Variants in LHFPL6 observed in about 807,000 individuals in gnomAD.
LHFPL6 encodes the protein LHFPL tetraspan subfamily member 6 protein.
A neutral mutation model predicts 20.6 loss-of-function variants in LHFPL6; 9 were observed. That is an observed-to-expected ratio of 0.44 (90% CI 0.26 to 0.76). The LOEUF is 0.76. Ranked by LOEUF, LHFPL6 falls within the 30% of genes least tolerant of loss-of-function variation. The probability of loss-of-function intolerance (pLI) is 0.20; values close to 1 mark genes in which losing one functional copy is unlikely to be tolerated. For synonymous variants in LHFPL6, 105 were observed against 98.7 expected, an observed-to-expected ratio of 1.06 and a Z score of -0.38; for missense variants, 218 against 253.5, an observed-to-expected ratio of 0.86 and a Z score of 0.95.
intron 2 of LHFPL6, among the ~76,000 whole-genome samples, chr13:39,465,913 C>T (rs1872793066): frequency 6.6e-6 from 1 of 151,946 alleles, no homozygotes; most frequent in Non-Finnish European, 1.5e-5. Context: ...TTCCTTGCAC[C>T]ACTCAGAAGA....
intron 2 of LHFPL6, among the ~76,000 whole-genome samples, chr13:39,563,990 C>T (rs765571519): frequency 4.6e-5 from 7 of 152,050 alleles, no homozygotes; most frequent in Non-Finnish European, 8.8e-5. Context: ...TGGTGTAAGT[C>T]TCCCCGTATC....
At chr13:39,407,002 T>G (rs1361872298) in intron 2 of LHFPL6, among the ~76,000 whole-genome samples, 1 of 152,210 alleles carries the variant, frequency 6.6e-6, no homozygotes, top group Non-Finnish European at 1.5e-5. Context: ...TAAACCAACA[T>G]GGGTCTACAG....
chr13:39,382,646 C>T (rs1305867148), intron 2 of LHFPL6, among the ~76,000 whole-genome samples: 4 of 152,068 alleles, frequency 2.6e-5, no homozygotes, highest in African/African-American at 9.7e-5. Flanking sequence ...CCTCAGCCTC[C>T]CAAACTGCTG....
intron 2 of LHFPL6, among the ~76,000 whole-genome samples, chr13:39,545,288 A>G (rs546161036): frequency 6.6e-6 from 1 of 150,814 alleles, no homozygotes; most frequent in African/African-American, 2.4e-5. Flanking sequence ...GTAAGTGGTC[A>G]GAAATCTAAC....
At chr13:39,436,338 A>T (rs963304104) in intron 2 of LHFPL6, among the ~76,000 whole-genome samples, 1 of 152,218 alleles carries the variant, frequency 6.6e-6, no homozygotes, top group Non-Finnish European at 1.5e-5. Context: ...TATAATTTTT[A>T]TTTTTGATGT....
chr13:39,542,096 T>TA (rs1555267291), intron 2 of LHFPL6, among the ~76,000 whole-genome samples: 2 of 137,132 alleles, frequency 1.5e-5, no homozygotes, highest in Non-Finnish European at 3.1e-5. Context: ...ATCTCAAAAA[T>TA]ATAATAATAA....
chr13:39,466,084 C>T (rs922257981), intron 2 of LHFPL6, among the ~76,000 whole-genome samples: 3 of 152,100 alleles, frequency 2.0e-5, no homozygotes, highest in Non-Finnish European at 4.4e-5. Flanking sequence ...GAGTGGGTTC[C>T]TCTTCATGAG....
intron 2 of LHFPL6, among the ~76,000 whole-genome samples, chr13:39,437,364 G>A (rs1210039305): frequency 1.3e-5 from 2 of 152,160 alleles, no homozygotes; most frequent in East Asian, 3.9e-4. Flanking sequence ...TTGTGATAGT[G>A]AGTGAGTTCT....
At chr13:39,474,331 G>T (rs369453934) in intron 2 of LHFPL6, among the ~76,000 whole-genome samples, 3 of 152,172 alleles carry the variant, frequency 2.0e-5, no homozygotes, top group East Asian at 3.9e-4. Flanking sequence ...TCAGTTTCAT[G>T]AAGAGAATTT....
At chr13:39,421,084 C>G (rs1039923943) in intron 2 of LHFPL6, among the ~76,000 whole-genome samples, 13 of 129,708 alleles carry the variant, frequency 1.0e-4, no homozygotes, top group African/African-American at 3.0e-4. Flanking sequence ...CAATATCTGT[C>G]TATCAGATAA....
At chr13:39,597,350 G>C (rs1242402589) in intron 2 of LHFPL6, among the ~76,000 whole-genome samples, 1 of 152,134 alleles carries the variant, frequency 6.6e-6, no homozygotes, top group Non-Finnish European at 1.5e-5. Context: ...ATTCTTACGT[G>C]TATCATTTGC....
At chr13:39,450,999 C>T (rs879834612) in intron 2 of LHFPL6, among the ~76,000 whole-genome samples, 3 of 152,100 alleles carry the variant, frequency 2.0e-5, no homozygotes, top group Non-Finnish European at 4.4e-5. Context: ...AAATTTACCA[C>T]GAAGAGTTTT....
chr13:39,401,976 C>T (rs981413553), intron 2 of LHFPL6, among the ~76,000 whole-genome samples: 15 of 152,036 alleles, frequency 9.9e-5, no homozygotes, highest in Non-Finnish European at 1.5e-4. Flanking sequence ...GTATACCGTC[C>T]GATATGGTAA....
chr13:39,362,132 C>T (rs1869890273), intron 3 of LHFPL6, among the ~76,000 whole-genome samples: 1 of 152,246 alleles, frequency 6.6e-6, no homozygotes, highest in African/African-American at 2.4e-5. Context: ...GCTCAAATCT[C>T]ATGTCAAACT....
chr13:39,583,112 ATTAAG>A (rs1269398446), intron 2 of LHFPL6, among the ~76,000 whole-genome samples: 2 of 151,914 alleles, frequency 1.3e-5, no homozygotes, highest in East Asian at 1.9e-4. Flanking sequence ...AATTGCAAAA[ATTAAG>A]TTATCACAAG....
chr13:39,407,117 C>T (rs1177829), intron 2 of LHFPL6, among the ~76,000 whole-genome samples: 152,336 of 152,338 alleles, frequency 1, 76,167 homozygotes, highest in Non-Finnish European at 1. Context: ...TTTGAGCTAA[C>T]ATCCTTCATT....
At chr13:39,358,589 C>T (rs562113553) in intron 3 of LHFPL6, among the ~76,000 whole-genome samples, 18 of 93,126 alleles carry the variant, frequency 1.9e-4, no homozygotes, top group Middle Eastern at 9.8e-3. Flanking sequence ...AAATGATCAA[C>T]GGAGTAAACA....
At chr13:39,596,865 C>T (rs1354895391) in intron 2 of LHFPL6, among the ~76,000 whole-genome samples, 1 of 152,144 alleles carries the variant, frequency 6.6e-6, no homozygotes, top group Non-Finnish European at 1.5e-5. Flanking sequence ...CGTGGCATAT[C>T]ATATGACAGG....
In LHFPL6 at chr13:39,388,712, G is replaced by C. The variant is rs1016086166; in HGVS notation, c.386-10186C>G. Among the ~76,000 whole-genome samples, 6 of 152,276 alleles carry C rather than the reference G, an allele frequency of 3.9e-5. No individual in the cohort carries two copies. In the South Asian group the frequency reaches 1.2e-3, roughly 32 times the overall value. ...TACATTAGGATGCACAGTGTTGTGG[G>C]AGAGATTTGCAAAACTTCCACTGGA... is the stretch of plus-strand genomic sequence containing the variant. On this transcript the variant is annotated intron_variant, in intron 2 of 3. Transcript: ENST00000379589.
Sources: gnomAD v4.1 joint callset for allele counts (sites outside exome capture counted in the v4.1 genomes callset) on GRCh38, gnomAD v4.1.1 for gene constraint, MANE v1.5 for transcripts, NCBI Gene and HGNC (gene_info 2026-07-23, HGNC 2026-07-21) for gene names.